The following FAM24B variants were observed in gnomAD, a reference collection of about 807,000 sequenced individuals.
The protein encoded by FAM24B is family with sequence similarity 24 member B, also known as protein FAM24B.
In FAM24B, 3 loss-of-function variants were observed where a neutral mutation model predicts 2.3. That is an observed-to-expected ratio of 1.29 (90% CI 0.59 to 3.32). The LOEUF (loss-of-function observed/expected upper bound fraction) is 3.32. Ranked by LOEUF, FAM24B falls within the 30% of genes most tolerant of loss-of-function variation. The pLI, the probability that FAM24B is intolerant of heterozygous loss-of-function variation, is 0.03. For missense variants in FAM24B, 98 were observed against 117.2 expected (o/e 0.84, Z 0.76); for synonymous variants, 36 against 46.3 (o/e 0.78, Z 0.90).
At chr10:122,873,117 A>G (rs1422658448) in intron 1 of FAM24B, among the ~76,000 whole-genome samples, 1 of 152,146 alleles carries the variant, frequency 6.6e-6, no homozygotes, top group Non-Finnish European at 1.5e-5. Context: ...ACATTTAACA[A>G]TGGATTTTCA....
At chr10:122,870,141 G>C (rs1446089144) in intron 1 of FAM24B, among the ~76,000 whole-genome samples, 2 of 152,132 alleles carry the variant, frequency 1.3e-5, no homozygotes, top group Admixed American at 6.5e-5. Context: ...ACTACCATCA[G>C]AGAATACTAT....
chr10:122,849,992 G>C (rs1847500284), intron 3 of FAM24B, among the ~76,000 whole-genome samples: 1 of 152,056 alleles, frequency 6.6e-6, no homozygotes, highest in African/African-American at 2.4e-5. Flanking sequence ...TCCCAATTCA[G>C]GCAAGAAGAG....
chr10:122,850,915 G>C (rs1212900993), intron 2 of FAM24B: 1 of 186,102 alleles, frequency 5.4e-6, no homozygotes, highest in Non-Finnish European at 1.1e-5. Context: ...TGGGCCTCCT[G>C]AGCTATACTC....
Position 122,850,422 on chromosome 10 carries a change from A to T in FAM24B, c.92+2T>A. On this transcript the variant is annotated splice_donor_variant, in intron 3 of 3. Transcript: ENST00000368898. LOFTEE classifies it high-confidence loss of function. ...GTTGTTTATTTTGAACTTGTGACTC[A>T]CTTTAGCGCGTTGTGTATTTTGAAG... 6.2e-7 allele frequency: 1 copy of T among 1,613,004 alleles called. No individual in the cohort carries two copies. The highest frequency in any genetic ancestry group is 8.5e-7 in the Non-Finnish European group (1 of 1,179,072).
At chr10:122,853,828 T>G (rs1429900011) in intron 2 of FAM24B, among the ~76,000 whole-genome samples, 1 of 152,190 alleles carries the variant, frequency 6.6e-6, no homozygotes, top group Non-Finnish European at 1.5e-5. Context: ...TAAATAAGCT[T>G]AGTCATCATT....
intron 1 of FAM24B, among the ~76,000 whole-genome samples, chr10:122,869,265 A>C (rs563868549): frequency 3.3e-5 from 5 of 152,348 alleles, no homozygotes; most frequent in African/African-American, 1.2e-4. Flanking sequence ...CCAGTACAGG[A>C]GCACCCAGAT....
chr10:122,863,062 A>G (rs1847751591), intron 1 of FAM24B, among the ~76,000 whole-genome samples: 1 of 152,180 alleles, frequency 6.6e-6, no homozygotes, highest in Non-Finnish European at 1.5e-5. Flanking sequence ...GAAAGACCAG[A>G]GACATCAGAA....
intron 1 of FAM24B, among the ~76,000 whole-genome samples, chr10:122,874,334 C>T (rs1370444134): frequency 6.6e-6 from 1 of 152,164 alleles, no homozygotes; most frequent in Non-Finnish European, 1.5e-5. Context: ...ATTTTGCCTT[C>T]ATTTATTCCT....
intron 1 of FAM24B, among the ~76,000 whole-genome samples, chr10:122,875,157 A>C (rs1026871904): frequency 3.9e-5 from 6 of 151,982 alleles, no homozygotes; most frequent in Admixed American, 2.6e-4. Flanking sequence ...TTTGCTTTTC[A>C]GTTTTTATTA....
At chr10:122,852,810 C>T (rs1425385503) in intron 2 of FAM24B, among the ~76,000 whole-genome samples, 3 of 152,188 alleles carry the variant, frequency 2.0e-5, no homozygotes, top group South Asian at 2.1e-4. Flanking sequence ...ACTCAGTCTT[C>T]GCTGGTGGAG....
intron 1 of FAM24B, among the ~76,000 whole-genome samples, chr10:122,862,954 T>C (rs576121912): frequency 6.6e-6 from 1 of 151,908 alleles, no homozygotes; most frequent in East Asian, 1.9e-4. Context: ...ATCAAGCAAA[T>C]CAAGCAGAAG....
At chr10:122,853,301 A>G (rs1431475517) in intron 2 of FAM24B, among the ~76,000 whole-genome samples, 1 of 152,038 alleles carries the variant, frequency 6.6e-6, no homozygotes, top group Non-Finnish European at 1.5e-5. Context: ...GTTTCCTTAC[A>G]TTTTGTACCC....
intron 1 of FAM24B, among the ~76,000 whole-genome samples, chr10:122,879,244 C>G (rs1848035085): frequency 6.6e-6 from 1 of 152,246 alleles, no homozygotes; most frequent in Admixed American, 6.5e-5. Context: ...GCCCAGCGTC[C>G]ACCACTAACG....
chr10:122,849,109 T>C lies in FAM24B; in HGVS notation c.*138A>G. On this transcript the variant is annotated 3_prime_UTR_variant, in exon 4 of 4. Transcript: ENST00000368898. The stretch of plus-strand genomic sequence containing the variant: ...GCAAAGAGGATTATTTTTAATAGTG[T>C]ACATTTATTCAAAAGTATATAAAAC... 1.8e-6 allele frequency: 1 copy of C among 546,162 alleles called. No homozygotes were observed. The highest frequency in any genetic ancestry group is 2.9e-6 in the Non-Finnish European group (1 of 338,994). The allele number at this position is 546,162 out of a possible 1,614,324, so 33.8% of individuals were successfully genotyped here.
At chr10:122,863,008 T>C (rs193080610) in intron 1 of FAM24B, among the ~76,000 whole-genome samples, 53 of 152,148 alleles carry the variant, frequency 3.5e-4, no homozygotes, top group African/African-American at 1.2e-3. Flanking sequence ...CCATGAAGCA[T>C]TGAATCTGAG....
intron 1 of FAM24B, among the ~76,000 whole-genome samples, chr10:122,860,416 C>T (rs1847709387): frequency 6.6e-6 from 1 of 152,200 alleles, no homozygotes; most frequent in South Asian, 2.1e-4. Context: ...TCCATTCATA[C>T]ATTGAAGGAC....
At chr10:122,856,373 C>T (rs757852134) in intron 1 of FAM24B, among the ~76,000 whole-genome samples, 1 of 151,894 alleles carries the variant, frequency 6.6e-6, no homozygotes, top group Non-Finnish European at 1.5e-5. Context: ...CAATTATGTT[C>T]CCCGTGTAGC....
At chr10:122,851,991 T>C (rs1847546656) in intron 2 of FAM24B, among the ~76,000 whole-genome samples, 1 of 152,176 alleles carries the variant, frequency 6.6e-6, no homozygotes, top group South Asian at 2.1e-4. Context: ...TCATAGCAGA[T>C]TGGGATTGAC....
chr10:122,876,649 T>C (rs1847980595), intron 1 of FAM24B, among the ~76,000 whole-genome samples: 1 of 152,228 alleles, frequency 6.6e-6, no homozygotes, highest in Admixed American at 6.5e-5. Flanking sequence ...TTTCTGTTCC[T>C]AGCATGCTGA....
Sources: gnomAD v4.1 joint callset for allele counts (sites outside exome capture counted in the v4.1 genomes callset) on GRCh38, gnomAD v4.1.1 for gene constraint, MANE v1.5 for transcripts, NCBI Gene and HGNC (gene_info 2026-07-23, HGNC 2026-07-21) for gene names.